The following RAP1GDS1 variants were observed in gnomAD, a reference collection of about 807,000 sequenced individuals.
RAP1GDS1 encodes the protein RAP1, GTP-GDP dissociation stimulator 1.
Under a neutral mutation model 71.1 loss-of-function variants are expected in RAP1GDS1, and 35 were observed. The ratio of observed to expected loss-of-function variants is 0.49; its 90% confidence interval spans 0.38 to 0.65. The LOEUF is 0.65. Ranked by LOEUF, RAP1GDS1 falls within the 30% of genes least tolerant of loss-of-function variation. The pLI, the probability that RAP1GDS1 is intolerant of heterozygous loss-of-function variation, is 0.00. For missense variants in RAP1GDS1, 663 were observed against 706.1 expected (o/e 0.94, Z 0.69); for synonymous variants, 229 against 243.1 (o/e 0.94, Z 0.54).
intron 6 of RAP1GDS1, among the ~76,000 whole-genome samples, chr4:98,395,278 G>T (rs370306030): frequency 6.6e-6 from 1 of 152,006 alleles, no homozygotes; most frequent in Non-Finnish European, 1.5e-5. Flanking sequence ...AAAACATTTG[G>T]TTTATTCAAC....
intron 1 of RAP1GDS1, among the ~76,000 whole-genome samples, chr4:98,293,046 A>G (rs1431098330): frequency 6.6e-6 from 1 of 152,190 alleles, no homozygotes; most frequent in Non-Finnish European, 1.5e-5. Context: ...GAACAATGAA[A>G]TAAAATGTTT....
At chr4:98,414,272 G>A (rs1482268053) in intron 7 of RAP1GDS1, among the ~76,000 whole-genome samples, 3 of 142,968 alleles carry the variant, frequency 2.1e-5, no homozygotes, top group South Asian at 2.3e-4. Flanking sequence ...TTGGTGTTTT[G>A]GACATGAAGT....
chr4:98,277,440 T>A (rs1724386709), intron 1 of RAP1GDS1, among the ~76,000 whole-genome samples: 1 of 152,222 alleles, frequency 6.6e-6, no homozygotes, highest in Non-Finnish European at 1.5e-5. Context: ...CTTTGCTACC[T>A]CTTATTTCTC....
At chr4:98,422,000 A>G (rs1465163794) in intron 12 of RAP1GDS1, among the ~76,000 whole-genome samples, 1 of 151,936 alleles carries the variant, frequency 6.6e-6, no homozygotes, top group East Asian at 2.0e-4. Context: ...GATCAAGACC[A>G]TCCTGGATAA....
intron 4 of RAP1GDS1, among the ~76,000 whole-genome samples, chr4:98,353,391 TTGAGTG>T (rs1425086995): frequency 1.6e-4 from 25 of 152,232 alleles, no homozygotes; most frequent in African/African-American, 5.8e-4. Context: ...ATTTTCCCCA[TTGAGTG>T]TTTAACTCGG....
chr4:98,413,385 C>A (rs377181315), intron 7 of RAP1GDS1, among the ~76,000 whole-genome samples: 5 of 151,884 alleles, frequency 3.3e-5, no homozygotes, highest in African/African-American at 4.8e-5. Context: ...CCCACCCCAC[C>A]ACAGTCCCCA....
In RAP1GDS1 at chr4:98,291,841, A is replaced by G. The variant is rs138294883; in HGVS notation, c.5-1567A>G. On this transcript the variant is annotated intron_variant, in intron 1 of 14. Transcript: ENST00000408927. ...AGCCTTAATCAGATAAATCAGATAAATCTTTCCTCTTCTGGAAAATGGAAG... is the reference window on the plus strand; with the variant it reads ...AGCCTTAATCAGATAAATCAGATAAGTCTTTCCTCTTCTGGAAAATGGAAG... 1.2e-3 allele frequency among the ~76,000 whole-genome samples: 180 copies of G among 152,264 alleles called. 4 individuals are homozygous for G. In the East Asian group the frequency reaches 0.029, roughly 25 times the overall value.
At chr4:98,336,477 A>G (rs1734737024) in intron 2 of RAP1GDS1, among the ~76,000 whole-genome samples, 1 of 152,176 alleles carries the variant, frequency 6.6e-6, no homozygotes, top group East Asian at 1.9e-4. Flanking sequence ...TGAGTACAAG[A>G]CTATCAAAAT....
intron 12 of RAP1GDS1, 54 bp from the exon 13 acceptor site, chr4:98,433,881 AT>A (rs1561014186): frequency 6.6e-7 from 1 of 1,506,770 alleles, no homozygotes; most frequent in African/African-American, 1.4e-5. Context: ...ATTTTAATGC[AT>A]GTTCCTTATG....
intron 7 of RAP1GDS1, among the ~76,000 whole-genome samples, chr4:98,405,557 T>C (rs1388968509): frequency 6.6e-6 from 1 of 151,966 alleles, no homozygotes; most frequent in Non-Finnish European, 1.5e-5. Flanking sequence ...AGAGGCAATA[T>C]TTGAAGAAAT....
intron 5 of RAP1GDS1, among the ~76,000 whole-genome samples, chr4:98,384,983 A>G (rs79296095): frequency 1.1e-3 from 174 of 151,724 alleles, no homozygotes; most frequent in African/African-American, 3.9e-3. Flanking sequence ...GGAGTTGCTC[A>G]TTCTTTAGTA....
intron 9 of RAP1GDS1, among the ~76,000 whole-genome samples, 182 bp downstream of exon 9, chr4:98,417,680 T>G (rs902425200): frequency 7.2e-5 from 11 of 152,240 alleles, no homozygotes; most frequent in Non-Finnish European, 1.6e-4. Context: ...ACATATTTTA[T>G]GCAATTCAAC....
chr4:98,421,252 T>C lies in RAP1GDS1; in HGVS notation c.1301-3T>C, dbSNP rs766616282. On this transcript the variant is annotated splice_polypyrimidine_tract_variant and splice_region_variant and intron_variant, in intron 11 of 14. Coordinates refer to ENST00000408927, the MANE Select transcript of RAP1GDS1 (RefSeq NM_001100427.2). ...ATTCCTTGGTTTGCCTTCTTTCCTA[T>C]AGCAGAAGCTGCTGAACAATTGGGA... 4.4e-6 allele frequency: 7 copies of C among 1,602,870 alleles called. No individual in the cohort carries two copies. The highest frequency in any genetic ancestry group is 5.1e-6 in the Non-Finnish European group (6 of 1,174,188).
chr4:98,276,844 G>T (rs1166647886), intron 1 of RAP1GDS1, among the ~76,000 whole-genome samples: 1 of 152,154 alleles, frequency 6.6e-6, no homozygotes, highest in Admixed American at 6.5e-5. Flanking sequence ...TCAGAAACCA[G>T]ATTTTTAAGT....
At chr4:98,432,043 A>G (rs997320229) in intron 12 of RAP1GDS1, among the ~76,000 whole-genome samples, 2 of 151,958 alleles carry the variant, frequency 1.3e-5, no homozygotes, top group Non-Finnish European at 2.9e-5. Flanking sequence ...TTAACTCATC[A>G]TTTACATTAG....
intron 4 of RAP1GDS1, among the ~76,000 whole-genome samples, chr4:98,355,404 C>G (rs1737809924): frequency 6.6e-6 from 1 of 152,040 alleles, no homozygotes; most frequent in Admixed American, 6.6e-5. Flanking sequence ...TAATGTACTC[C>G]AAATGAATAA....
At position 98,402,911 on chromosome 4, in the gene RAP1GDS1, GT is replaced by G. The variant is rs550154618; in HGVS notation, c.638-1563del. ...TAAGATGGACATTTATTTTAAAATA[GT>G]TTGCAAATAAACTAACATATAATTA... On this transcript the variant is annotated intron_variant, in intron 6 of 14. Transcript: ENST00000408927. Among the ~76,000 whole-genome samples the G allele has an allele frequency of 2.8e-4, 42 of 152,282 alleles. No homozygotes were observed. In the South Asian group the frequency reaches 8.1e-3, roughly 29 times the overall value.
chr4:98,438,567 CATATATATAT>C (rs36034058), intron 14 of RAP1GDS1, among the ~76,000 whole-genome samples: 1 of 104,732 alleles, frequency 9.5e-6, no homozygotes, highest in Non-Finnish European at 1.8e-5. Flanking sequence ...TTTATTCTTC[CATATATATAT>C]ATATATATAT....
At chr4:98,387,500 G>A (rs1208819374) in intron 5 of RAP1GDS1, 5 of 455,764 alleles carry the variant, frequency 1.1e-5, no homozygotes, top group Admixed American at 2.3e-5. Flanking sequence ...AAATTCAAAT[G>A]TAGGTAGGTA....
Sources: gnomAD v4.1 joint callset for allele counts (sites outside exome capture counted in the v4.1 genomes callset) on GRCh38, gnomAD v4.1.1 for gene constraint, MANE v1.5 for transcripts, NCBI Gene and HGNC (gene_info 2026-07-23, HGNC 2026-07-21) for gene names.